Variants in DOCK1 observed in about 807,000 individuals in gnomAD.
DOCK1 encodes the protein dedicator of cytokinesis protein 1.
A neutral mutation model predicts 262.7 loss-of-function variants in DOCK1; 138 were observed. That is an observed-to-expected ratio of 0.53 (90% CI 0.46 to 0.61). DOCK1 has a LOEUF of 0.61. Ranked by LOEUF, DOCK1 falls within the 20% of genes least tolerant of loss-of-function variation. The pLI is 0.00. For synonymous variants in DOCK1, 866 were observed against 867.4 expected (o/e 1.00, Z 0.03); for missense variants, 1,908 against 2,370.7 (o/e 0.80, Z 4.05).
intron 8 of DOCK1, among the ~76,000 whole-genome samples, chr10:126,999,088 TA>T (rs567257019): frequency 0.047 from 6,975 of 148,938 alleles, 220 homozygotes; most frequent in Non-Finnish European, 0.07. Context: ...AATAGGCTCT[TA>T]AAAAAAAAAC....
intron 29 of DOCK1, among the ~76,000 whole-genome samples, chr10:127,279,389 T>G (rs1564960124): frequency 6.6e-6 from 1 of 152,214 alleles, no homozygotes; most frequent in Non-Finnish European, 1.5e-5. Context: ...TGATTTAGTA[T>G]CTCACACAAG....
chr10:127,206,083 G>A (rs758754215), intron 27 of DOCK1, among the ~76,000 whole-genome samples: 17 of 148,582 alleles, frequency 1.1e-4, no homozygotes, highest in Non-Finnish European at 2.5e-4. Flanking sequence ...TTTAAAAGGT[G>A]ACTTTTTAGA....
chr10:127,110,499 C>T (rs1367465234), intron 25 of DOCK1, 145 bp downstream of exon 25: 2 of 712,382 alleles, frequency 2.8e-6, no homozygotes, highest in Non-Finnish European at 4.8e-6. Context: ...AGATTTAGCC[C>T]TTACAAGAGA....
At chr10:127,404,215 CT>C in intron 39 of DOCK1, 109 bp from the exon 40 acceptor site, 1 of 800,114 alleles carries the variant, frequency 1.2e-6, no homozygotes, top group Non-Finnish European at 2.0e-6. Flanking sequence ...CCATCTCCCC[CT>C]CCCACCCTAT....
At chr10:127,080,050 G>A (rs1375029223) in intron 23 of DOCK1, among the ~76,000 whole-genome samples, 1 of 152,112 alleles carries the variant, frequency 6.6e-6, no homozygotes, top group African/African-American at 2.4e-5. Flanking sequence ...AATTAGCATA[G>A]TGGTTGGGCT....
At chr10:126,993,773 G>A (rs117624359) in intron 6 of DOCK1, among the ~76,000 whole-genome samples, 3,976 of 152,254 alleles carry the variant, frequency 0.026, 53 homozygotes, top group Non-Finnish European at 0.039. Context: ...TTGCTCAATA[G>A]ATATTAAAAG....
intron 22 of DOCK1, among the ~76,000 whole-genome samples, chr10:127,059,183 G>C (rs935657919): frequency 1.3e-5 from 2 of 152,060 alleles, no homozygotes; most frequent in Admixed American, 1.3e-4. Context: ...CAGACTTACT[G>C]TTACATCTTT....
chr10:127,200,999 C>T (rs540742525), intron 27 of DOCK1, among the ~76,000 whole-genome samples: 14 of 152,342 alleles, frequency 9.2e-5, no homozygotes, highest in East Asian at 1.9e-4. Context: ...AGGTTACACC[C>T]GTCAGTTCAG....
chr10:127,000,086 C>T (rs1050873404), intron 9 of DOCK1, 86 bp from the exon 10 acceptor site: 9 of 1,492,490 alleles, frequency 6.0e-6, no homozygotes, highest in African/African-American at 1.4e-5. Flanking sequence ...AGAAGAGTCT[C>T]AATCCATTTT....
intron 38 of DOCK1, among the ~76,000 whole-genome samples, chr10:127,398,275 C>T (rs944810584): frequency 1.3e-5 from 2 of 152,178 alleles, no homozygotes; most frequent in South Asian, 2.1e-4. Flanking sequence ...AAGGAAAAAG[C>T]GAGGGGCCTG....
intron 3 of DOCK1, among the ~76,000 whole-genome samples, chr10:126,980,808 T>C (rs1446655677): frequency 2.0e-5 from 3 of 152,168 alleles, no homozygotes; most frequent in Non-Finnish European, 2.9e-5. Flanking sequence ...TTCTGCTGCA[T>C]GCACTAAATC....
chr10:127,174,028 C>T (rs941708227), intron 27 of DOCK1, among the ~76,000 whole-genome samples: 5 of 152,230 alleles, frequency 3.3e-5, no homozygotes, highest in Non-Finnish European at 7.3e-5. Context: ...CCTCAGCCTC[C>T]ACCTTAAGGC....
At chr10:127,431,926 G>A (rs2069319286) in intron 47 of DOCK1, among the ~76,000 whole-genome samples, 1 of 152,196 alleles carries the variant, frequency 6.6e-6, no homozygotes, top group Non-Finnish European at 1.5e-5. Flanking sequence ...TGAGCGGCGG[G>A]TGAGGGAGCA....
chr10:126,970,240 T>C (rs1591485942), intron 1 of DOCK1, among the ~76,000 whole-genome samples: 1 of 152,326 alleles, frequency 6.6e-6, no homozygotes, highest in South Asian at 2.1e-4. Flanking sequence ...TCATTGTCAG[T>C]TTTAAGGATT....
At chr10:127,157,596 G>C (rs2053208196) in intron 27 of DOCK1, among the ~76,000 whole-genome samples, 1 of 152,164 alleles carries the variant, frequency 6.6e-6, no homozygotes, top group Non-Finnish European at 1.5e-5. Context: ...AAATGGTTTG[G>C]CTGACGTTTG....
At chr10:127,062,059 C>A (rs904612376) in intron 23 of DOCK1, among the ~76,000 whole-genome samples, 1 of 151,412 alleles carries the variant, frequency 6.6e-6, no homozygotes, top group Non-Finnish European at 1.5e-5. Context: ...GTCTCAGCCT[C>A]CCGAATTGCT....
chr10:127,410,991 A>G (rs945177259), intron 43 of DOCK1, 67 bp downstream of exon 43: 1 of 1,519,120 alleles, frequency 6.6e-7, no homozygotes, highest in African/African-American at 1.4e-5. Context: ...TAGAACTGCC[A>G]CTGGAGAAGC....
At chr10:127,018,128 T>TG (rs1195628112) in intron 12 of DOCK1, among the ~76,000 whole-genome samples, 2 of 152,168 alleles carry the variant, frequency 1.3e-5, no homozygotes, top group Non-Finnish European at 2.9e-5. Flanking sequence ...TCTTTTGCGG[T>TG]GGCACTGTGG....
intron 27 of DOCK1, among the ~76,000 whole-genome samples, chr10:127,232,282 T>G (rs1041035389): frequency 6.6e-6 from 1 of 152,204 alleles, no homozygotes; most frequent in African/African-American, 2.4e-5. Context: ...AATGATTTCC[T>G]AATATCAAAA....
Sources: allele counts gnomAD v4.1 joint callset (sites outside exome capture counted in the v4.1 genomes callset), GRCh38; gene constraint gnomAD v4.1.1; transcripts MANE v1.5; gene names NCBI Gene and HGNC (gene_info 2026-07-23, HGNC 2026-07-21).